Variants in CACNA1C observed in about 807,000 individuals in gnomAD.
CACNA1C encodes the protein voltage-dependent L-type calcium channel subunit alpha-1C.
CACNA1C carries 30 observed loss-of-function variants against 229.0 expected under a neutral mutation model. That is an observed-to-expected ratio of 0.13 (90% CI 0.10 to 0.18). The LOEUF (loss-of-function observed/expected upper bound fraction) is 0.18. CACNA1C is among the 10% of genes least tolerant of loss of function. CACNA1C has a pLI of 1.00. For missense variants in CACNA1C, 1,658 were observed against 2,845.0 expected (o/e 0.58, Z 9.49); for synonymous variants, 1,114 against 1,132.5 (o/e 0.98, Z 0.33).
intron 1 of CACNA1C, among the ~76,000 whole-genome samples, chr12:2,057,355 G>C (rs1594591460): frequency 6.6e-6 from 1 of 152,234 alleles, no homozygotes; most frequent in African/African-American, 2.4e-5. Flanking sequence ...GACCTGGCCA[G>C]ACCTGCAGTA....
intron 3 of CACNA1C, among the ~76,000 whole-genome samples, chr12:2,362,218 G>A (rs751638962): frequency 5.9e-5 from 9 of 152,122 alleles, no homozygotes; most frequent in East Asian, 1.9e-4. Flanking sequence ...GGGCGTGAAG[G>A]CCACTGGGAC....
intron 29 of CACNA1C, among the ~76,000 whole-genome samples, chr12:2,624,445 C>T (rs2085142110): frequency 1.3e-5 from 2 of 152,208 alleles, no homozygotes; most frequent in Admixed American, 6.5e-5. Context: ...GGGGCCGAGG[C>T]TCAGCAAGGA....
chr12:2,385,299 C>T (rs1430300223), intron 3 of CACNA1C, among the ~76,000 whole-genome samples: 8 of 152,008 alleles, frequency 5.3e-5, no homozygotes, highest in Non-Finnish European at 7.4e-5. Flanking sequence ...AGGTACTGCA[C>T]GGCCGGGCCA....
chr12:2,533,723 C>T (rs1250169149), intron 9 of CACNA1C, among the ~76,000 whole-genome samples: 1 of 152,186 alleles, frequency 6.6e-6, no homozygotes, highest in Non-Finnish European at 1.5e-5. Flanking sequence ...CCCAGGAGCA[C>T]ATGTCAAAAG....
chr12:2,192,085 T>C (rs1486773992), intron 3 of CACNA1C, among the ~76,000 whole-genome samples: 5 of 151,558 alleles, frequency 3.3e-5, no homozygotes, highest in Admixed American at 2.0e-4. Context: ...CACACACACA[T>C]GCACGCACAT....
At chr12:2,543,930 G>T (rs1015192508) in intron 9 of CACNA1C, among the ~76,000 whole-genome samples, 2 of 152,118 alleles carry the variant, frequency 1.3e-5, no homozygotes, top group African/African-American at 4.8e-5. Context: ...CACTAAGCAG[G>T]GCTCTCATCC....
intron 3 of CACNA1C, among the ~76,000 whole-genome samples, chr12:2,147,208 C>T (rs2094802413): frequency 6.6e-6 from 1 of 151,260 alleles, no homozygotes; most frequent in South Asian, 2.1e-4. Context: ...TTTAATGTTT[C>T]AGGAGCTTCA....
At chr12:2,349,702 G>A (rs952026910) in intron 3 of CACNA1C, among the ~76,000 whole-genome samples, 1 of 152,106 alleles carries the variant, frequency 6.6e-6, no homozygotes, top group East Asian at 1.9e-4. Flanking sequence ...AGGAGCTCTT[G>A]CGAGTCTGGA....
chr12:2,365,971 T>C (rs2097708860), intron 3 of CACNA1C, among the ~76,000 whole-genome samples: 1 of 152,196 alleles, frequency 6.6e-6, no homozygotes, highest in African/African-American at 2.4e-5. Context: ...TATGAAAATA[T>C]GCAAGGTCTC....
rs377345545 is a variant in CACNA1C at position 2,493,262 on chromosome 12, C to T, written c.989C>T (p.Thr330Met). The T allele has an allele frequency of 3.7e-5, 59 of 1,613,900 alleles. No individual in the cohort carries two copies. Among genetic ancestry groups the T allele is most frequent in the Non-Finnish European group, 4.7e-5 (55 of 1,179,894 alleles). ...TGHGRQCQNG[T>M]VCKPGWDGPK... ...CACGGGCGGCAGTGCCAGAACGGCACGGTGTGCAAGCCCGGCTGGGATGGT... is the reference window on the plus strand; with the variant it reads ...CACGGGCGGCAGTGCCAGAACGGCATGGTGTGCAAGCCCGGCTGGGATGGT... Residue 330 changes from threonine (T) to methionine (M), a missense_variant, in exon 7 of 47, where the codon ACG (threonine) becomes ATG (methionine). Coordinates refer to ENST00000399655, the MANE Select transcript of CACNA1C (RefSeq NM_000719.7). This position sits in a 1 kb window ranked among gnomAD's most constrained non-coding sequence, Gnocchi z 4.6.
chr12:2,079,227 T>C (rs1174833687), intron 1 of CACNA1C, among the ~76,000 whole-genome samples: 1 of 152,018 alleles, frequency 6.6e-6, no homozygotes, highest in Non-Finnish European at 1.5e-5. Context: ...CATGTATACA[T>C]ATGTGACAAA....
In CACNA1C at chr12:2,067,487, CGTGT is replaced by C. The variant is rs1555107894; in HGVS notation, c.49+13878_49+13881del. The stretch of plus-strand genomic sequence containing the variant: ...GTGTGTGTGTGTGTGTGTGTGCGCG[CGTGT>C]GCGTGCCTGTATGTAAGGGCAGGCA... On this transcript the variant is annotated intron_variant, in intron 1 of 46. Transcript: ENST00000399655. This position sits in a 1 kb window ranked among gnomAD's most constrained non-coding sequence, Gnocchi z 5.3. Among the ~76,000 whole-genome samples, 2 of 52,944 alleles carry C rather than the reference CGTGT, an allele frequency of 3.8e-5. No homozygotes were observed. Among genetic ancestry groups the C allele is most frequent in the Non-Finnish European group, 1.0e-4 (2 of 19,900 alleles). The allele number at this position is 52,944 out of a possible 152,430, so 34.7% of individuals were successfully genotyped here. A position where few individuals can be genotyped will look rare whatever the true frequency, so the allele number is the denominator to read the frequency against.
At chr12:2,284,851 C>G (rs2154442675) in intron 3 of CACNA1C, among the ~76,000 whole-genome samples, 1 of 152,360 alleles carries the variant, frequency 6.6e-6, no homozygotes, top group Middle Eastern at 3.4e-3. Context: ...GGATAATTAA[C>G]TTCTACCAGT....
chr12:2,202,444 G>T (rs1447241889), intron 3 of CACNA1C, among the ~76,000 whole-genome samples: 1 of 152,234 alleles, frequency 6.6e-6, no homozygotes, highest in Non-Finnish European at 1.5e-5. Flanking sequence ...GGAGAACTAA[G>T]TAGTAGTCAT....
At position 2,647,751 on chromosome 12, in the gene CACNA1C, C is replaced by CT. The variant is rs1306567883; in HGVS notation, c.3913-722dup. On this transcript the variant is annotated intron_variant, in intron 30 of 46. Transcript: ENST00000399655. This position sits in a 1 kb window ranked among gnomAD's most constrained non-coding sequence, Gnocchi z 4.2. Reference sequence around the variant, plus strand: ...CTCTGGGGTCAGCAAGGCCTCTGTCCTTCAGCTGGCCCTGCCTGGGGTAAG... The same window carrying CT: ...CTCTGGGGTCAGCAAGGCCTCTGTCCTTTCAGCTGGCCCTGCCTGGGGTAAG... Among the ~76,000 whole-genome samples, 1 of 152,178 alleles carries CT rather than the reference C, an allele frequency of 6.6e-6. No homozygotes were observed. Among genetic ancestry groups the CT allele is most frequent in the Non-Finnish European group, 1.5e-5 (1 of 68,028 alleles).
intron 45 of CACNA1C, among the ~76,000 whole-genome samples, chr12:2,686,602 G>C (rs1369875852): frequency 2.0e-5 from 3 of 152,232 alleles, no homozygotes; most frequent in African/African-American, 7.2e-5. Flanking sequence ...ACTGGCCTAT[G>C]CCTCAGGGCA....
chr12:2,441,893 A>G (rs2099231558), intron 3 of CACNA1C, among the ~76,000 whole-genome samples: 2 of 152,166 alleles, frequency 1.3e-5, no homozygotes, highest in Non-Finnish European at 2.9e-5. Flanking sequence ...CTCTGGTTCA[A>G]GAGGGGATGG....
chr12:2,061,175 A>G (rs1281689016), intron 1 of CACNA1C, among the ~76,000 whole-genome samples: 2 of 151,028 alleles, frequency 1.3e-5, no homozygotes, highest in Non-Finnish European at 2.9e-5. Flanking sequence ...ATCCTTAGCC[A>G]ATTCACTTCG....
At chr12:2,490,984 A>G (rs747064007) in intron 6 of CACNA1C, among the ~76,000 whole-genome samples, 1 of 152,250 alleles carries the variant, frequency 6.6e-6, no homozygotes, top group Non-Finnish European at 1.5e-5. Context: ...ACCTGGAAAT[A>G]ATCCAGACGT....
Sources: gnomAD v4.1 joint callset for allele counts (sites outside exome capture counted in the v4.1 genomes callset) on GRCh38, gnomAD v4.1.1 for gene constraint, Gnocchi (gnomAD v3.1) non-coding constraint, MANE v1.5 for transcripts, NCBI Gene and HGNC (gene_info 2026-07-23, HGNC 2026-07-21) for gene names.